EPS8: variants seen among roughly 807,000 people sequenced by gnomAD.
EPS8 encodes the protein EGFR pathway substrate 8, signaling adaptor, also known as epidermal growth factor receptor kinase substrate 8.
EPS8 carries 42 observed loss-of-function variants against 103.8 expected under a neutral mutation model. That is an observed-to-expected ratio of 0.40 (90% CI 0.32 to 0.52). EPS8 has a LOEUF of 0.52. Ranked by LOEUF, EPS8 falls within the 20% of genes least tolerant of loss-of-function variation. The pLI, the probability that EPS8 is intolerant of heterozygous loss-of-function variation, is 0.40. For synonymous variants in EPS8, 344 were observed against 344.6 expected, an observed-to-expected ratio of 1.00 and a Z score of 0.02; for missense variants, 969 against 1,005.1, an observed-to-expected ratio of 0.96 and a Z score of 0.49.
At chr12:15,630,634 TG>T (rs1233449901) in intron 18 of EPS8, among the ~76,000 whole-genome samples, 1 of 152,188 alleles carries the variant, frequency 6.6e-6, no homozygotes, top group Admixed American at 6.5e-5. Context: ...AGACTACTAT[TG>T]GCAGGTGATT....
intron 1 of EPS8, among the ~76,000 whole-genome samples, chr12:15,753,545 A>C (rs992868582): frequency 5.3e-5 from 8 of 152,210 alleles, no homozygotes; most frequent in Non-Finnish European, 1.2e-4. Flanking sequence ...GATTCAGTGG[A>C]TATATTTCCA....
intron 12 of EPS8, among the ~76,000 whole-genome samples, chr12:15,655,460 T>A (rs1375551153): frequency 1.3e-5 from 2 of 152,202 alleles, no homozygotes; most frequent in Non-Finnish European, 2.9e-5. Context: ...CTAAGACTTA[T>A]CTGACTTTCA....
At position 15,736,147 on chromosome 12, in the gene EPS8, A is replaced by G. The variant is rs1002601618; in HGVS notation, c.-22+53014T>C. Reference sequence around the variant, plus strand: ...AGCAATCCTCCTGCCTCAGCCTGCTAAAGTGCTGGAATTACAATCATGAGC... The same window carrying G: ...AGCAATCCTCCTGCCTCAGCCTGCTGAAGTGCTGGAATTACAATCATGAGC... On this transcript the variant is annotated intron_variant, in intron 1 of 20. Transcript: ENST00000281172. This position sits in a 1 kb window ranked among gnomAD's most constrained non-coding sequence, Gnocchi z 4.2. 1.3e-5 allele frequency among the ~76,000 whole-genome samples: 2 copies of G among 152,216 alleles called. No homozygotes were observed. The highest frequency in any genetic ancestry group is 2.4e-5 in the African/African-American group (1 of 41,468).
intron 12 of EPS8, among the ~76,000 whole-genome samples, chr12:15,657,118 A>G (rs550094030): frequency 6.6e-6 from 1 of 152,214 alleles, no homozygotes; most frequent in Admixed American, 6.5e-5. Flanking sequence ...TCTTCCTGTT[A>G]CCCTGCTGAT....
At chr12:15,689,547 TGTA>T (rs1457361245) in intron 1 of EPS8, among the ~76,000 whole-genome samples, 1 of 152,232 alleles carries the variant, frequency 6.6e-6, no homozygotes, top group Non-Finnish European at 1.5e-5. Context: ...TAGTGTACAA[TGTA>T]GTGCTTTGAT....
In EPS8 at chr12:15,764,160, A is replaced by G. The variant is rs1164090010; in HGVS notation, c.-22+25001T>C. Among the ~76,000 whole-genome samples the G allele has an allele frequency of 1.3e-5, 2 of 152,202 alleles. No individual in the cohort carries two copies. The highest frequency in any genetic ancestry group is 1.9e-4 in the East Asian group (1 of 5,192). ...CATCTTACATGGTAGCAGGCAAGAG[A>G]GCATATGCAGGGGAACTCCCCTTTA... On this transcript the variant is annotated intron_variant, in intron 1 of 20. Transcript: ENST00000281172. The surrounding 1 kb of genome is among the most constrained non-coding windows in gnomAD (Gnocchi z 4.1).
Position 15,733,700 on chromosome 12 carries a change from G to A in EPS8, c.-21-50728C>T, listed in dbSNP as rs1946740775. Among the ~76,000 whole-genome samples the A allele has an allele frequency of 6.6e-6, 1 of 152,042 alleles. No homozygotes were observed. The highest frequency in any genetic ancestry group is 2.4e-5 in the African/African-American group (1 of 41,396). ...ACAAACAGAAAAACTAATGGAGATA[G>A]AAGAAATATCCATTCCATTTTACTA... On this transcript the variant is annotated intron_variant, in intron 1 of 20. Transcript: ENST00000281172. The surrounding 1 kb of genome is among the most constrained non-coding windows in gnomAD (Gnocchi z 4.8).
In EPS8 at chr12:15,777,134, A is replaced by G. The variant is rs1175314399; in HGVS notation, c.-22+12027T>C. Among the ~76,000 whole-genome samples the G allele has an allele frequency of 6.6e-6, 1 of 152,154 alleles. No homozygotes were observed. Among genetic ancestry groups the G allele is most frequent in the East Asian group, 1.9e-4 (1 of 5,196 alleles). On this transcript the variant is annotated intron_variant, in intron 1 of 20. Transcript: ENST00000281172. The surrounding 1 kb of genome is among the most constrained non-coding windows in gnomAD (Gnocchi z 4.7). ...TTGGAGGTAAGATGAAGTCACTTTT[A>G]TATCTATTTTAAGATTCTTTACAAT...
chr12:15,626,152 A>G (rs1444059267), intron 18 of EPS8, among the ~76,000 whole-genome samples: 5 of 152,176 alleles, frequency 3.3e-5, no homozygotes, highest in Admixed American at 6.5e-5. Context: ...TACTACATCC[A>G]ATCCATCAGC....
rs978977737 is a variant in EPS8, at chr12:15,698,437, C to T, written c.-21-15465G>A. The stretch of plus-strand genomic sequence containing the variant: ...CCCAACCCCCGCTCTTTAAGTTAAC[C>T]TCATCCACACAGTAAACAGACATCT... On this transcript the variant is annotated intron_variant, in intron 1 of 20. Coordinates refer to ENST00000281172, the MANE Select transcript of EPS8 (RefSeq NM_004447.6). This position sits in a 1 kb window ranked among gnomAD's most constrained non-coding sequence, Gnocchi z 4.9. Among the ~76,000 whole-genome samples, 2 of 152,046 alleles carry T rather than the reference C, an allele frequency of 1.3e-5. No homozygotes were observed. The highest frequency in any genetic ancestry group is 4.8e-5 in the African/African-American group (2 of 41,400).
At chr12:15,651,105 C>T in intron 13 of EPS8, 99 bp from the exon 14 acceptor site, 1 of 908,400 alleles carries the variant, frequency 1.1e-6, no homozygotes, top group Admixed American at 2.5e-5. Flanking sequence ...CGCACACACA[C>T]ATAAATAACA....
In EPS8 at chr12:15,666,456, G is replaced by A. The variant is rs138912389; in HGVS notation, c.583C>T (p.Arg195Trp). The A allele has an allele frequency of 3.8e-5, 62 of 1,613,106 alleles. No individual in the cohort carries two copies. In the African/African-American group the frequency reaches 5.5e-4, roughly 14 times the overall value. ...SDSKGGKQKR[R>W]PDALRMISNA... ...TGCTTTTACCTCAGGGCGTCGGGCC[G>A]CCTCTTCTGTTTCCCTCCTTTACTG... is the stretch of plus-strand genomic sequence containing the variant. Residue 195 changes from arginine to tryptophan, a missense_variant, in exon 7 of 21, where the codon CGG becomes TGG. Coordinates refer to ENST00000281172, the MANE Select transcript of EPS8 (RefSeq NM_004447.6).
rs1184624498 is a variant in EPS8 at position 15,781,805 on chromosome 12, C to T, written c.-22+7356G>A. On this transcript the variant is annotated intron_variant, in intron 1 of 20. Transcript: ENST00000281172. The surrounding 1 kb of genome is among the most constrained non-coding windows in gnomAD (Gnocchi z 4.1). ...CTAAGAGCCTCCTTGCTGGTGGGGA[C>T]TCTCCAAGAATCCCAGGACAACAGA... 1 of 152,384 alleles carries T rather than the reference C, an allele frequency of 6.6e-6. No individual in the cohort carries two copies. Among genetic ancestry groups the T allele is most frequent in the Non-Finnish European group, 1.5e-5 (1 of 68,204 alleles). The allele number at this position is 152,384 out of a possible 1,614,324, so 9.4% of individuals were successfully genotyped here.
At chr12:15,715,097 C>T (rs967376169) in intron 1 of EPS8, among the ~76,000 whole-genome samples, 2 of 152,194 alleles carry the variant, frequency 1.3e-5, no homozygotes, top group African/African-American at 4.8e-5. Context: ...TGCAGACAAC[C>T]TTCAACTATC....
At chr12:15,671,390 G>A (rs1945815136) in intron 3 of EPS8, among the ~76,000 whole-genome samples, 1 of 151,968 alleles carries the variant, frequency 6.6e-6, no homozygotes. Context: ...ATCTCCTTTT[G>A]CAATATCCAA....
intron 1 of EPS8, among the ~76,000 whole-genome samples, chr12:15,743,060 GA>G (rs1946841395): frequency 6.6e-6 from 1 of 152,054 alleles, no homozygotes; most frequent in African/African-American, 2.4e-5. Flanking sequence ...CAACTTCAGC[GA>G]AGTCTCAGGA....
chr12:15,712,404 T>C (rs1267706191), intron 1 of EPS8, among the ~76,000 whole-genome samples: 1 of 152,202 alleles, frequency 6.6e-6, no homozygotes, highest in East Asian at 1.9e-4. Flanking sequence ...CAACTAACAT[T>C]GTGTAAACAA....
chr12:15,631,968 G>C (rs1358739821), intron 17 of EPS8, among the ~76,000 whole-genome samples: 1 of 152,114 alleles, frequency 6.6e-6, no homozygotes, highest in Admixed American at 6.5e-5. Flanking sequence ...CACAAGATGA[G>C]GGGAGGCAGA....
intron 1 of EPS8, among the ~76,000 whole-genome samples, chr12:15,719,606 T>C (rs1182327286): frequency 6.6e-6 from 1 of 152,204 alleles, no homozygotes; most frequent in Non-Finnish European, 1.5e-5. Flanking sequence ...ATATCAGTTT[T>C]TAAAACGGTT....
Sources: gnomAD v4.1 joint callset for allele counts (sites outside exome capture counted in the v4.1 genomes callset) on GRCh38, gnomAD v4.1.1 for gene constraint, Gnocchi (gnomAD v3.1) non-coding constraint, MANE v1.5 for transcripts, NCBI Gene and HGNC (gene_info 2026-07-23, HGNC 2026-07-21) for gene names.